The following RSRC1 variants were observed in gnomAD, a reference collection of about 807,000 sequenced individuals.
RSRC1 encodes arginine and serine rich coiled-coil 1.
Under a neutral mutation model 49.1 loss-of-function variants are expected in RSRC1, and 39 were observed. That is an observed-to-expected ratio of 0.79 (90% confidence interval 0.61 to 1.04). The LOEUF is 1.04. RSRC1 is among the 50% of genes least tolerant of loss of function. The pLI, the probability that RSRC1 is intolerant of heterozygous loss-of-function variation, is 0.00. For missense variants in RSRC1, 388 were observed against 402.4 expected, an observed-to-expected ratio of 0.96 and a Z score of 0.31; for synonymous variants, 143 against 130.8, an observed-to-expected ratio of 1.09 and a Z score of -0.63.
intron 3 of RSRC1, among the ~76,000 whole-genome samples, chr3:158,145,094 T>C (rs1717002341): frequency 6.6e-6 from 1 of 152,222 alleles, no homozygotes. Context: ...CTGTTCACTC[T>C]GATGGTAGTT....
At chr3:158,395,592 G>C (rs1019813636) in intron 6 of RSRC1, among the ~76,000 whole-genome samples, 1 of 151,966 alleles carries the variant, frequency 6.6e-6, no homozygotes, top group East Asian at 1.9e-4. Context: ...AACTTCACTG[G>C]TTGCTAGAGA....
intron 4 of RSRC1, among the ~76,000 whole-genome samples, chr3:158,219,326 C>T (rs1722113277): frequency 6.6e-6 from 1 of 150,692 alleles, no homozygotes; most frequent in Non-Finnish European, 1.5e-5. Flanking sequence ...CCTCTTTTTC[C>T]TTCCTCCTTT....
At chr3:158,431,448 A>T (rs1475841979) in intron 6 of RSRC1, among the ~76,000 whole-genome samples, 2 of 151,894 alleles carry the variant, frequency 1.3e-5, no homozygotes, top group African/African-American at 2.4e-5. Context: ...TTATTTAGAA[A>T]GTTTTCTTTT....
intron 6 of RSRC1, among the ~76,000 whole-genome samples, chr3:158,407,539 C>G (rs576853331): frequency 6.6e-6 from 1 of 152,048 alleles, no homozygotes; most frequent in South Asian, 2.1e-4. Context: ...TCACAACTTA[C>G]TTTATTTGGT....
intron 5 of RSRC1, chr3:158,303,269 G>A (rs1455381743): frequency 2.0e-5 from 3 of 152,166 alleles, no homozygotes; most frequent in Admixed American, 2.0e-4. Flanking sequence ...ACTTTTTTAG[G>A]TCAAAATAGT....
chr3:158,316,438 A>ATTTTTTTTTTTTTTTTTTTTT lies in RSRC1; in HGVS notation c.531+18369_531+18389dup, dbSNP rs564633575. Among the ~76,000 whole-genome samples, 9 of 72,238 alleles carry ATTTTTTTTTTTTTTTTTTTTT rather than the reference A, an allele frequency of 1.2e-4. 1 individual carries two copies. Among genetic ancestry groups the ATTTTTTTTTTTTTTTTTTTTT allele is most frequent in the Admixed American group, 1.9e-4 (1 of 5,234 alleles). 47.4% of individuals were successfully genotyped at this position (72,238 alleles called of 152,430 possible). On this transcript the variant is annotated intron_variant, in intron 5 of 9. Transcript: ENST00000611884. ...TAATCAGTCCACTGCAGAATCTCTC[A>ATTTTTTTTTTTTTTTTTTTTT]TTTTTTTTTTTTTTTTTTTTTTTTT...
At chr3:158,254,930 G>A (rs919883842) in intron 4 of RSRC1, among the ~76,000 whole-genome samples, 1 of 151,926 alleles carries the variant, frequency 6.6e-6, no homozygotes, top group Non-Finnish European at 1.5e-5. Flanking sequence ...TTTTTTTCTT[G>A]TAAATTTGTT....
At chr3:158,386,344 A>C (rs1467828076) in intron 6 of RSRC1, among the ~76,000 whole-genome samples, 1 of 152,094 alleles carries the variant, frequency 6.6e-6, no homozygotes, top group African/African-American at 2.4e-5. Flanking sequence ...AGTTCAACTT[A>C]TCAATTTAAA....
intron 3 of RSRC1, among the ~76,000 whole-genome samples, chr3:158,150,436 G>A (rs1486740559): frequency 6.6e-6 from 1 of 152,126 alleles, no homozygotes; most frequent in East Asian, 1.9e-4. Context: ...AACATTATTT[G>A]GAACAGCAAA....
At chr3:158,450,321 T>C (rs1736955339) in intron 6 of RSRC1, among the ~76,000 whole-genome samples, 1 of 148,202 alleles carries the variant, frequency 6.7e-6, no homozygotes, top group African/African-American at 2.5e-5. Context: ...AACCATGGCT[T>C]TCTTTTTTGC....
At chr3:158,363,032 A>G (rs900808054) in intron 6 of RSRC1, among the ~76,000 whole-genome samples, 8 of 152,218 alleles carry the variant, frequency 5.3e-5, no homozygotes, top group African/African-American at 1.7e-4. Flanking sequence ...AAATCTCTGC[A>G]TAACAGTATT....
chr3:158,141,640 T>C (rs1716753642), intron 3 of RSRC1, among the ~76,000 whole-genome samples: 1 of 152,182 alleles, frequency 6.6e-6, no homozygotes, highest in Non-Finnish European at 1.5e-5. Flanking sequence ...CTAATACTAC[T>C]TAAGAGTGTA....
intron 3 of RSRC1, among the ~76,000 whole-genome samples, chr3:158,179,538 C>T (rs1189475204): frequency 6.6e-6 from 1 of 152,068 alleles, no homozygotes; most frequent in Non-Finnish European, 1.5e-5. Context: ...TCACCATAAC[C>T]CCCTGGAGAT....
Position 158,467,471 on chromosome 3 carries a change from G to A in RSRC1, c.652+6468G>A, listed in dbSNP as rs1003353566. Among the ~76,000 whole-genome samples the A allele has an allele frequency of 3.3e-5, 5 of 152,238 alleles. No homozygotes were observed. The East Asian group carries it at 5.8e-4, about 18-fold the overall frequency. On this transcript the variant is annotated intron_variant, in intron 7 of 9. Transcript: ENST00000611884. ...ATCTAAATATGTAGTTACATAGTGC[G>A]TATGAAACCATTTTATAGACTTTAT...
intron 4 of RSRC1, among the ~76,000 whole-genome samples, chr3:158,285,818 T>A (rs1175163667): frequency 2.6e-5 from 4 of 152,196 alleles, no homozygotes; most frequent in South Asian, 2.1e-4. Context: ...TTTCTAGATA[T>A]ACAATCATGT....
chr3:158,388,567 G>A (rs1226275614), intron 6 of RSRC1, among the ~76,000 whole-genome samples: 4 of 151,128 alleles, frequency 2.6e-5, no homozygotes, highest in African/African-American at 9.7e-5. Context: ...GGTCTGTTTT[G>A]ACAATTTACC....
intron 7 of RSRC1, among the ~76,000 whole-genome samples, chr3:158,493,705 ATTGT>A (rs1184089536): frequency 1.3e-5 from 2 of 152,152 alleles, no homozygotes; most frequent in African/African-American, 2.4e-5. Flanking sequence ...AAACAGCCTG[ATTGT>A]TTGCAGCTCA....
At chr3:158,459,246 A>G (rs1221481443) in intron 6 of RSRC1, among the ~76,000 whole-genome samples, 1 of 152,162 alleles carries the variant, frequency 6.6e-6, no homozygotes, top group East Asian at 1.9e-4. Context: ...ATTCCTATGA[A>G]TTGTCCATGT....
intron 4 of RSRC1, among the ~76,000 whole-genome samples, chr3:158,266,502 A>C (rs191796467): frequency 2.9e-3 from 435 of 152,234 alleles, no homozygotes; most frequent in African/African-American, 0.01. Flanking sequence ...AGTGTTCTAC[A>C]CTTGGTTTAC....
Sources: gnomAD v4.1 joint callset for allele counts (sites outside exome capture counted in the v4.1 genomes callset) on GRCh38, gnomAD v4.1.1 for gene constraint, MANE v1.5 for transcripts, NCBI Gene and HGNC (gene_info 2026-07-23, HGNC 2026-07-21) for gene names.